Variants in IFT57 observed in about 807,000 individuals in gnomAD.
IFT57 encodes intraflagellar transport 57.
Under a neutral mutation model 56.8 loss-of-function variants are expected in IFT57, and 59 were observed. That is an observed-to-expected ratio of 1.04 (90% confidence interval 0.84 to 1.29). IFT57 has a LOEUF of 1.29. Ranked by LOEUF, IFT57 falls within the 50% of genes most tolerant of loss-of-function variation. The pLI, the probability that IFT57 is intolerant of heterozygous loss-of-function variation, is 0.00. For missense variants in IFT57, 470 were observed against 522.1 expected (o/e 0.90, Z 0.97); for synonymous variants, 209 against 186.1 (o/e 1.12, Z -1.00).
intron 6 of IFT57, among the ~76,000 whole-genome samples, chr3:108,182,396 A>T (rs2080155926): frequency 6.6e-6 from 1 of 152,116 alleles, no homozygotes; most frequent in African/African-American, 2.4e-5. Context: ...TGGTCCCTCC[A>T]GGTTCATTCA....
intron 6 of IFT57, among the ~76,000 whole-genome samples, chr3:108,182,777 TTATC>T (rs1184965467): frequency 6.6e-6 from 1 of 152,146 alleles, no homozygotes; most frequent in African/African-American, 2.4e-5. Flanking sequence ...AATAATCTCT[TTATC>T]TAAATTTCTT....
Position 108,222,139 on chromosome 3 carries a change from G to A in IFT57, c.184C>T (p.Arg62Trp), listed in dbSNP as rs1391492471. The A allele has an allele frequency of 6.2e-7, 1 of 1,611,536 alleles. No homozygotes were observed. Among genetic ancestry groups the A allele is most frequent in the Admixed American group, 1.7e-5 (1 of 59,766 alleles). Residue 62 changes from arginine (R) to tryptophan (W), a missense_variant, in exon 1 of 11, where the codon CGG (arginine) becomes TGG (tryptophan). Transcript: ENST00000264538. ...KLLRYEEEFL[R>W]KSNLKAPSRH... Reference sequence around the variant, plus strand: ...GACGGGGCCTTCAGGTTGCTCTTCCGGAGGAACTCCTCCTCGTAGCGGAGC... The same window carrying A: ...GACGGGGCCTTCAGGTTGCTCTTCCAGAGGAACTCCTCCTCGTAGCGGAGC...
Position 108,166,284 on chromosome 3 carries a change from C to T in IFT57, c.981+570G>A, listed in dbSNP as rs16844860. On this transcript the variant is annotated intron_variant, in intron 8 of 10. Transcript: ENST00000264538. ...AAATCCCAAAGGAAAGCTTTTAGAT[C>T]CCTACTGCTGGGACAAAGAACTGGT... Among the ~76,000 whole-genome samples, 1,341 of 152,124 alleles carry T rather than the reference C, an allele frequency of 8.8e-3. 34 individuals are homozygous for T. The highest frequency in any genetic ancestry group is 0.063 in the East Asian group (324 of 5,156).
intron 3 of IFT57, among the ~76,000 whole-genome samples, chr3:108,214,486 G>A (rs372551218): frequency 6.6e-6 from 1 of 152,048 alleles, no homozygotes; most frequent in African/African-American, 2.4e-5. Flanking sequence ...TGAAATGGCA[G>A]GGTAAACAAC....
Position 108,218,564 on chromosome 3 carries a change from T to C in IFT57, c.465A>G (p.Ala155=). The C allele has an allele frequency of 1.3e-6, 2 of 1,555,840 alleles. No individual in the cohort carries two copies. The highest frequency in any genetic ancestry group is 1.7e-6 in the Non-Finnish European group (2 of 1,153,670). The change falls in exon 3 of 11, where the codon GCA becomes GCG. Residue 155 remains alanine, a synonymous_variant. Transcript: ENST00000264538. ...CYVLDCFAEE[A]LKYIGFTWKR... Reference sequence around the variant, plus strand: ...TCCAGGTGAAACCAATATATTTCAATGCTTCTTCAGCGAAGCAATCAAGAA... The same window carrying C: ...TCCAGGTGAAACCAATATATTTCAACGCTTCTTCAGCGAAGCAATCAAGAA...
intron 6 of IFT57, among the ~76,000 whole-genome samples, chr3:108,176,040 C>T (rs1321429101): frequency 6.6e-6 from 1 of 151,816 alleles, no homozygotes; most frequent in East Asian, 1.9e-4. Context: ...TGTTGAATCA[C>T]TTTCCATCAA....
chr3:108,162,550 A>G lies in IFT57; in HGVS notation c.1217T>C (p.Leu406Pro), dbSNP rs952387530. The change falls in exon 11 of 11, where the codon CTG (leucine) becomes CCG (proline). Residue 406 changes from leucine (L) to proline (P), a missense_variant. Coordinates refer to ENST00000264538, the MANE Select transcript of IFT57 (RefSeq NM_018010.4). ...IVEHTLLQSK[L>P]KEKSNMTRNM... ...CCTAGTCATGTTGGACTTCTCCTTC[A>G]GCTTTGATTGGAGTAGTGTGTGTTC... 6.2e-7 allele frequency: 1 copy of G among 1,612,690 alleles called. No homozygotes were observed. Among genetic ancestry groups the G allele is most frequent in the Non-Finnish European group, 8.5e-7 (1 of 1,179,028 alleles).
rs572198055 is a variant in IFT57, at chr3:108,162,603, T to C, written c.1164A>G (p.Val388=). The C allele has an allele frequency of 3.7e-6, 6 of 1,612,174 alleles. No individual in the cohort carries two copies. The highest frequency in any genetic ancestry group is 3.3e-5 in the Admixed American group (2 of 59,848). ...CAATGCCAATTCTAATGTCCATCTC[T>C]ACAGTTTCTTGCTTCAGTTTTGTTA... ...QSLTKLKQET[V]EMDIRIGIVE... is the part of the protein sequence containing the mutation. The change falls in exon 11 of 11, where the codon GTA becomes GTG. Residue 388 remains valine (V), a synonymous_variant. Transcript: ENST00000264538.
intron 3 of IFT57, among the ~76,000 whole-genome samples, chr3:108,215,639 A>G (rs935630847): frequency 6.6e-6 from 1 of 152,180 alleles, no homozygotes; most frequent in African/African-American, 2.4e-5. Context: ...TTAAATAATA[A>G]ATTTCCTAAT....
At position 108,222,286 on chromosome 3, in the gene IFT57, A is replaced by C; in HGVS notation, c.37T>G (p.Leu13Val). Reference sequence around the variant, plus strand: ...CGGGACCTAGGCACCCCATCTTCCAAACCCGACGTCGTGACGACGGCCAGA... The same window carrying C: ...CGGGACCTAGGCACCCCATCTTCCACACCCGACGTCGTGACGACGGCCAGA... ...AALAVVTTSG[L>V]EDGVPRSRGE... Residue 13 changes from leucine to valine, a missense_variant, in exon 1 of 11, where the codon TTG (leucine) becomes GTG (valine). By Grantham distance (32) the Leu-to-Val change is conservative. Coordinates refer to ENST00000264538, the MANE Select transcript of IFT57 (RefSeq NM_018010.4). The C allele has an allele frequency of 6.2e-7, 1 of 1,613,644 alleles. No homozygotes were observed. Among genetic ancestry groups the C allele is most frequent in the Non-Finnish European group, 8.5e-7 (1 of 1,179,862 alleles).
At chr3:108,219,124 T>TC (rs1488624060) in intron 2 of IFT57, among the ~76,000 whole-genome samples, 1 of 151,764 alleles carries the variant, frequency 6.6e-6, no homozygotes, top group Admixed American at 6.6e-5. Flanking sequence ...GGATTTTTTT[T>TC]TAATTATCAT....
intron 5 of IFT57, among the ~76,000 whole-genome samples, chr3:108,195,325 A>C (rs1196538611): frequency 2.0e-5 from 3 of 151,732 alleles, no homozygotes; most frequent in Non-Finnish European, 4.4e-5. Context: ...AGGCAATAAC[A>C]AATGCTGGCA....
chr3:108,184,670 T>A (rs187944147), intron 6 of IFT57, among the ~76,000 whole-genome samples: 1 of 152,194 alleles, frequency 6.6e-6, no homozygotes, highest in Non-Finnish European at 1.5e-5. Context: ...TAGTACAATC[T>A]GTACTACTAT....
chr3:108,210,139 T>C (rs1352459003), intron 4 of IFT57, among the ~76,000 whole-genome samples: 3 of 152,092 alleles, frequency 2.0e-5, no homozygotes, highest in Admixed American at 6.5e-5. Context: ...ATTTGTCTAA[T>C]ATGCCTTCTT....
rs374907629 is a variant in IFT57, at chr3:108,205,285, A to G, written c.654+1343T>C. On this transcript the variant is annotated intron_variant, in intron 5 of 10. Coordinates refer to ENST00000264538, the MANE Select transcript of IFT57 (RefSeq NM_018010.4). ...TTTAATTTTCAAAAACCCTATGACAAAGGTAAAGGTAATATTTTTATCTCA... is the reference window on the plus strand; with the variant it reads ...TTTAATTTTCAAAAACCCTATGACAGAGGTAAAGGTAATATTTTTATCTCA... Among the ~76,000 whole-genome samples the G allele has an allele frequency of 3.3e-5, 5 of 152,164 alleles. No homozygotes were observed. In the East Asian group the frequency reaches 5.8e-4, roughly 18 times the overall value.
intron 2 of IFT57, 107 bp from the exon 3 acceptor site, chr3:108,218,760 G>T (rs2080387989): frequency 6.0e-6 from 3 of 502,166 alleles, no homozygotes; most frequent in East Asian, 6.8e-5. Flanking sequence ...TCTTTCAAAT[G>T]ATTTACAATA....
intron 6 of IFT57, among the ~76,000 whole-genome samples, chr3:108,183,004 C>T (rs1292847358): frequency 6.6e-6 from 1 of 151,974 alleles, no homozygotes; most frequent in Non-Finnish European, 1.5e-5. Context: ...GCATTAAATG[C>T]CTAATATTAA....
chr3:108,179,712 G>T (rs1354565487), intron 6 of IFT57, among the ~76,000 whole-genome samples: 3 of 151,970 alleles, frequency 2.0e-5, no homozygotes, highest in African/African-American at 7.2e-5. Context: ...TTTTAAAAAT[G>T]AGATTGAATA....
At chr3:108,215,251 G>A (rs1470733113) in intron 3 of IFT57, among the ~76,000 whole-genome samples, 3 of 152,042 alleles carry the variant, frequency 2.0e-5, no homozygotes, top group Non-Finnish European at 4.4e-5. Context: ...CAAAGCTAGA[G>A]AGAAAACTTG....
Sources: allele counts gnomAD v4.1 joint callset (sites outside exome capture counted in the v4.1 genomes callset), GRCh38; gene constraint gnomAD v4.1.1; transcripts MANE v1.5; gene names NCBI Gene and HGNC (gene_info 2026-07-23, HGNC 2026-07-21).